KLF17: variants seen among roughly 807,000 people sequenced by gnomAD.
KLF17 encodes Krueppel-like factor 17.
Under a neutral mutation model 34.2 loss-of-function variants are expected in KLF17, and 31 were observed. The ratio of observed to expected loss-of-function variants is 0.91; its 90% confidence interval spans 0.68 to 1.22. The LOEUF (loss-of-function observed/expected upper bound fraction) is 1.22, where lower values mean the gene tolerates loss of function less well. Among genes scored for constraint, KLF17 ranks in the 50% most tolerant of loss-of-function variants. The pLI is 0.00. For missense variants in KLF17, 478 were observed against 505.2 expected, an observed-to-expected ratio of 0.95 and a Z score of 0.52; for synonymous variants, 179 against 186.7, an observed-to-expected ratio of 0.96 and a Z score of 0.34.
the KLF17 span, among the ~76,000 whole-genome samples, chr1:44,088,700 A>G: frequency 1.3e-5 from 2 of 152,126 alleles, no homozygotes; most frequent in East Asian, 1.9e-4. Context: ...TAGGGTTTCA[A>G]TGTCTGAACT....
the KLF17 span, among the ~76,000 whole-genome samples, chr1:44,093,766 G>A: frequency 3.3e-5 from 5 of 152,168 alleles, no homozygotes; most frequent in Admixed American, 2.6e-4. Flanking sequence ...TCTGGAGGAG[G>A]GTTTGTGGCA....
the KLF17 span, chr1:44,103,345 C>T: frequency 1.4e-6 from 1 of 738,812 alleles, no homozygotes; most frequent in Non-Finnish European, 2.5e-6. Flanking sequence ...ACACCGGACT[C>T]GGACACCGGC....
At chr1:44,117,273 T>C (rs1009876480), upstream of KLF17, 1 of 152,054 alleles carries the variant, frequency 6.6e-6, no homozygotes, top group African/African-American at 2.4e-5. Flanking sequence ...ACCATACTGA[T>C]GCTGAACTTA....
chr1:44,103,388 C>T, the KLF17 span: 5 of 761,116 alleles, frequency 6.6e-6, no homozygotes, highest in African/African-American at 5.1e-5. Context: ...TCTTCACAAC[C>T]ACGGCCCTGG....
At chr1:44,098,612 A>G in the KLF17 span, among the ~76,000 whole-genome samples, 1 of 140,512 alleles carries the variant, frequency 7.1e-6, no homozygotes, top group Non-Finnish European at 1.5e-5. Context: ...GTGCAGTGGC[A>G]CGATCTCGGC....
chr1:44,046,461 G>A, the KLF17 span, among the ~76,000 whole-genome samples: 3 of 151,530 alleles, frequency 2.0e-5, no homozygotes, highest in South Asian at 6.3e-4. Context: ...GGCTCAAGCA[G>A]TCCTCTTCCT....
chr1:44,050,971 G>A, the KLF17 span: 3 of 152,050 alleles, frequency 2.0e-5, no homozygotes, highest in African/African-American at 7.2e-5. Flanking sequence ...ATTCTTTCCC[G>A]AGCAAAACCA....
rs187018482 is a variant in KLF17 at position 44,122,331 on chromosome 1, C to T, written c.81+3343C>T. ...AATAAAATACCGAATGTTATTTCCT[C>T]GAATACTCAGCGTTTCCAGCTGTAC... On this transcript the variant is annotated intron_variant, in intron 1 of 3. Transcript: ENST00000372299. 323 of 1,603,266 alleles carry T rather than the reference C, an allele frequency of 2.0e-4. 1 individual carries two copies. Among genetic ancestry groups the T allele is most frequent in the Non-Finnish European group, 2.6e-4 (308 of 1,170,218 alleles).
chr1:44,047,992 TTGTGTGTGTATGTGTGTGTGTGTG>T, the KLF17 span: 2 of 129,134 alleles, frequency 1.5e-5, no homozygotes, highest in African/African-American at 5.7e-5. Context: ...TAAGAGAACA[TTGTGTGTGTATGTGTGTGTGTGTG>T]TGTGTGTGTG....
At chr1:44,098,277 C>T in the KLF17 span, among the ~76,000 whole-genome samples, 4 of 152,134 alleles carry the variant, frequency 2.6e-5, no homozygotes, top group African/African-American at 7.2e-5. Context: ...TCTCTAATGA[C>T]TCTGAATTTC....
the KLF17 span, among the ~76,000 whole-genome samples, chr1:44,094,673 G>C: frequency 1.2e-3 from 180 of 152,014 alleles, 2 homozygotes; most frequent in East Asian, 0.02. Flanking sequence ...TTTATTTCTG[G>C]GTTCTCTATT....
the KLF17 span, among the ~76,000 whole-genome samples, chr1:44,108,378 G>C: frequency 6.6e-6 from 1 of 152,100 alleles, no homozygotes; most frequent in African/African-American, 2.4e-5. Context: ...TTTTCCTTCT[G>C]ATTCTTTCAG....
At chr1:44,078,920 G>T in the KLF17 span, among the ~76,000 whole-genome samples, 1 of 151,990 alleles carries the variant, frequency 6.6e-6, no homozygotes. Context: ...CTACAGGGAG[G>T]TCTGAATCTC....
chr1:44,130,432 C>A, intron 2 of KLF17, 80 bp from the exon 3 acceptor site: 1 of 1,567,036 alleles, frequency 6.4e-7, no homozygotes, highest in South Asian at 1.1e-5. Context: ...AATCCTCAAC[C>A]TGGACTGCTC....
chr1:44,085,136 A>ATG, the KLF17 span, among the ~76,000 whole-genome samples: 1 of 151,902 alleles, frequency 6.6e-6, no homozygotes, highest in East Asian at 1.9e-4. Flanking sequence ...GTGTATATAT[A>ATG]TGTGTGTGTA....
At chr1:44,104,257 C>G in the KLF17 span, 13 of 1,485,030 alleles carry the variant, frequency 8.8e-6, no homozygotes, top group South Asian at 1.1e-4. Flanking sequence ...TTGAAGTCCT[C>G]CACCAGCCCC....
chr1:44,070,797 A>G, the KLF17 span, among the ~76,000 whole-genome samples: 24 of 151,910 alleles, frequency 1.6e-4, no homozygotes, highest in Non-Finnish European at 3.2e-4. Flanking sequence ...GAAGGACAAC[A>G]CAGCAAATAA....
At chr1:44,103,927 T>C in the KLF17 span, 4 of 846,858 alleles carry the variant, frequency 4.7e-6, no homozygotes, top group Non-Finnish European at 6.1e-6. Context: ...TCATACTTGA[T>C]CTGGTACATG....
chr1:44,052,621 C>T, the KLF17 span, among the ~76,000 whole-genome samples: 2 of 152,180 alleles, frequency 1.3e-5, no homozygotes, highest in Admixed American at 1.3e-4. Flanking sequence ...ACTTTTATAA[C>T]ACCTTGCTGT....
Sources: allele counts gnomAD v4.1 joint callset (sites outside exome capture counted in the v4.1 genomes callset), GRCh38; gene constraint gnomAD v4.1.1; transcripts MANE v1.5; gene names NCBI Gene and HGNC (gene_info 2026-07-23, HGNC 2026-07-21).